Variants in SERGEF observed in about 807,000 individuals in gnomAD.
SERGEF encodes secretion-regulating guanine nucleotide exchange factor.
In SERGEF, 51 loss-of-function variants were observed where a neutral mutation model predicts 50.0. That is an observed-to-expected ratio of 1.02 (90% CI 0.81 to 1.29). The LOEUF (loss-of-function observed/expected upper bound fraction) is 1.29. Among genes scored for constraint, SERGEF ranks in the 50% most tolerant of loss-of-function variants. SERGEF has a pLI of 0.00. For synonymous variants in SERGEF, 205 were observed against 212.4 expected, an observed-to-expected ratio of 0.97 and a Z score of 0.30; for missense variants, 521 against 557.0, an observed-to-expected ratio of 0.94 and a Z score of 0.65.
At chr11:17,913,856 CCTTA>C (rs1189473935) in intron 9 of SERGEF, among the ~76,000 whole-genome samples, 1 of 152,186 alleles carries the variant, frequency 6.6e-6, no homozygotes, top group Non-Finnish European at 1.5e-5. Context: ...GTAGAGCCCA[CCTTA>C]CTTAGACTTT....
At chr11:17,950,378 G>T (rs144238044) in intron 9 of SERGEF, among the ~76,000 whole-genome samples, 3 of 152,258 alleles carry the variant, frequency 2.0e-5, no homozygotes, top group Non-Finnish European at 4.4e-5. Flanking sequence ...TATCTTAAAT[G>T]CTTGGCTAAG....
At chr11:18,012,657 G>A in intron 1 of SERGEF, 1 of 1,166,352 alleles carries the variant, frequency 8.6e-7, no homozygotes, top group Non-Finnish European at 1.1e-6. Context: ...GGGCTGGAGG[G>A]CTCTCGCGGA....
At chr11:17,877,389 G>C (rs897796984) in intron 10 of SERGEF, among the ~76,000 whole-genome samples, 2 of 152,128 alleles carry the variant, frequency 1.3e-5, no homozygotes, top group African/African-American at 4.8e-5. Context: ...TAATAATAAC[G>C]AACATTACCA....
intron 1 of SERGEF, 150 bp downstream of exon 1, chr11:18,012,801 C>A: frequency 7.0e-7 from 1 of 1,424,810 alleles, no homozygotes; most frequent in Non-Finnish European, 9.4e-7. Context: ...CTCCTCCGCT[C>A]CCCCTCCGCT....
At chr11:18,003,601 G>A (rs951035744) in intron 4 of SERGEF, among the ~76,000 whole-genome samples, 12 of 152,248 alleles carry the variant, frequency 7.9e-5, no homozygotes, top group Non-Finnish European at 1.6e-4. Context: ...CTACTCGGGA[G>A]GCCGAGGCAG....
intron 10 of SERGEF, among the ~76,000 whole-genome samples, chr11:17,793,142 C>T (rs772109458): frequency 1.6e-4 from 24 of 152,144 alleles, no homozygotes; most frequent in Non-Finnish European, 3.2e-4. Flanking sequence ...GACACAGTGA[C>T]AGCTCAAACC....
At chr11:17,817,641 A>G (rs1043277035) in intron 10 of SERGEF, among the ~76,000 whole-genome samples, 1 of 152,236 alleles carries the variant, frequency 6.6e-6, no homozygotes, top group Admixed American at 6.5e-5. Context: ...TAACAAAGCT[A>G]GTAAGTGGTA....
chr11:18,010,838 T>C (rs1159254408), intron 1 of SERGEF, among the ~76,000 whole-genome samples: 3 of 152,158 alleles, frequency 2.0e-5, no homozygotes, highest in Non-Finnish European at 2.9e-5. Flanking sequence ...TATGAAAGAC[T>C]TGCTCAGCAT....
chr11:17,890,735 T>C (rs1458029380), intron 9 of SERGEF, among the ~76,000 whole-genome samples: 1 of 152,116 alleles, frequency 6.6e-6, no homozygotes, highest in African/African-American at 2.4e-5. Context: ...TTTTTATTTC[T>C]AAAAATCATT....
In SERGEF at chr11:18,007,491, GC is replaced by G; in HGVS notation, c.196+449del. On this transcript the variant is annotated intron_variant, in intron 2 of 10. Coordinates refer to ENST00000265965, the MANE Select transcript of SERGEF (RefSeq NM_012139.4). The stretch of plus-strand genomic sequence containing the variant: ...TCATGTTCTCAACCAGATGCAATAT[GC>G]CCCCCTTTACAACATTGTAGCACTT... 2.6e-5 allele frequency among the ~76,000 whole-genome samples: 4 copies of G among 152,234 alleles called. No individual in the cohort carries two copies. In the South Asian group the frequency reaches 8.3e-4, roughly 32 times the overall value.
intron 8 of SERGEF, among the ~76,000 whole-genome samples, chr11:17,980,453 A>T (rs896460778): frequency 1.3e-5 from 2 of 152,040 alleles, no homozygotes; most frequent in African/African-American, 4.8e-5. Flanking sequence ...GGGGTAAGTG[A>T]TCTTATTAAC....
rs192622020 is a variant in SERGEF at position 18,010,926 on chromosome 11, G to A, written c.60+2025C>T. Among the ~76,000 whole-genome samples the A allele has an allele frequency of 1.7e-3, 259 of 152,286 alleles. 3 individuals carry two copies. Among genetic ancestry groups the A allele is most frequent in the Non-Finnish European group, 4.9e-4 (33 of 68,036 alleles). On this transcript the variant is annotated intron_variant, in intron 1 of 10. Coordinates refer to ENST00000265965, the MANE Select transcript of SERGEF (RefSeq NM_012139.4). ...CTCCGTGGCTGTCCCATTACCAGGG[G>A]TGCAAGGCTGCTGAACACCTGGGAG...
chr11:18,012,485 A>G, intron 1 of SERGEF: 1 of 1,080,714 alleles, frequency 9.3e-7, no homozygotes, highest in South Asian at 2.3e-5. Context: ...TGCGCGGCCA[A>G]ACACCGCAGG....
intron 10 of SERGEF, among the ~76,000 whole-genome samples, chr11:17,821,038 A>G (rs1465030349): frequency 6.6e-6 from 1 of 152,316 alleles, no homozygotes; most frequent in South Asian, 2.1e-4. Flanking sequence ...AGAAGAAAAG[A>G]TGCATCACAC....
intron 8 of SERGEF, among the ~76,000 whole-genome samples, chr11:17,971,939 A>C (rs185484488): frequency 2.3e-4 from 35 of 152,324 alleles, no homozygotes; most frequent in Non-Finnish European, 3.2e-4. Context: ...TCCAACCCGC[A>C]TGGATGACTT....
In SERGEF at chr11:17,884,441, C is replaced by A. The variant is rs561631086; in HGVS notation, c.1012-6197G>T. On this transcript the variant is annotated intron_variant, in intron 9 of 10. Coordinates refer to ENST00000265965, the MANE Select transcript of SERGEF (RefSeq NM_012139.4). This position sits in a 1 kb window ranked among gnomAD's most constrained non-coding sequence, Gnocchi z 4.6. Reference sequence around the variant, plus strand: ...TCTCGGTGCCGCCTTTGCTAGAGCTCTGCCCAAACCCGGTTTCCATCCGTG... The same window carrying A: ...TCTCGGTGCCGCCTTTGCTAGAGCTATGCCCAAACCCGGTTTCCATCCGTG... Among the ~76,000 whole-genome samples the A allele has an allele frequency of 1.3e-5, 2 of 151,882 alleles. No homozygotes were observed. The highest frequency in any genetic ancestry group is 4.2e-4 in the South Asian group (2 of 4,760).
At chr11:17,895,775 A>G (rs1407635254) in intron 9 of SERGEF, among the ~76,000 whole-genome samples, 1 of 152,228 alleles carries the variant, frequency 6.6e-6, no homozygotes, top group Non-Finnish European at 1.5e-5. Flanking sequence ...CACGTGGTAT[A>G]TTCCCTTTAG....
chr11:17,821,060 C>T (rs942367213), intron 10 of SERGEF, among the ~76,000 whole-genome samples: 5 of 152,232 alleles, frequency 3.3e-5, no homozygotes, highest in Admixed American at 1.3e-4. Flanking sequence ...GAGAAGGCCA[C>T]GTGAAGACAG....
intron 2 of SERGEF, 22 bp downstream of exon 2, chr11:18,007,919 A>G (rs756591855): frequency 5.6e-5 from 90 of 1,600,722 alleles, no homozygotes; most frequent in Non-Finnish European, 7.0e-5. Flanking sequence ...ATGAGTGACT[A>G]TCTACTTTTG....
Sources: allele counts gnomAD v4.1 joint callset (sites outside exome capture counted in the v4.1 genomes callset), GRCh38; gene constraint gnomAD v4.1.1; non-coding constraint Gnocchi (gnomAD v3.1); transcripts MANE v1.5; gene names NCBI Gene and HGNC (gene_info 2026-07-23, HGNC 2026-07-21).